Variants in PARD3 observed in about 807,000 individuals in gnomAD.
PARD3 encodes the protein par-3 family cell polarity regulator.
PARD3 carries 75 observed loss-of-function variants against 155.4 expected under a neutral mutation model. The ratio of observed to expected loss-of-function variants is 0.48; its 90% CI spans 0.40 to 0.58. PARD3 has a LOEUF of 0.58. PARD3 is among the 20% of genes least tolerant of loss of function. The probability of loss-of-function intolerance (pLI) is 0.00; values close to 1 mark genes in which losing one functional copy is unlikely to be tolerated. For missense variants in PARD3, 1,642 were observed against 1,721.7 expected (o/e 0.95, Z 0.82); for synonymous variants, 576 against 610.5 (o/e 0.94, Z 0.83).
In PARD3 at chr10:34,815,255, C is replaced by A; in HGVS notation, c.-260G>T. 1 of 152,850 alleles carries A rather than the reference C, an allele frequency of 6.5e-6. No individual in the cohort carries two copies. The highest frequency in any genetic ancestry group is 2.0e-4 in the South Asian group (1 of 4,942). The allele number at this position is 152,850 out of a possible 1,614,324, so 9.5% of individuals were successfully genotyped here. A position where few individuals can be genotyped will look rare whatever the true frequency, so the allele number is the denominator to read the frequency against. On this transcript the variant is annotated 5_prime_UTR_variant, in exon 1 of 25. Transcript: ENST00000374788. ...CGCCCGCAGCCTCCGGCCACCTGTT[C>A]GGCGTCGCGGCGCGCTCGCCGGCGG...
intron 2 of PARD3, among the ~76,000 whole-genome samples, chr10:34,668,466 T>C (rs2093544374): frequency 6.6e-6 from 1 of 152,170 alleles, no homozygotes; most frequent in Non-Finnish European, 1.5e-5. Context: ...TTCACATCCA[T>C]GTGAGTAGCT....
chr10:34,708,260 T>C (rs528635845), intron 1 of PARD3, among the ~76,000 whole-genome samples: 11 of 138,254 alleles, frequency 8.0e-5, no homozygotes, highest in Non-Finnish European at 1.5e-4. Context: ...TGCACTGATC[T>C]TTAAAGGAAA....
chr10:34,707,430 C>T (rs2094382255), intron 1 of PARD3, among the ~76,000 whole-genome samples: 1 of 151,998 alleles, frequency 6.6e-6, no homozygotes, highest in Admixed American at 6.6e-5. Context: ...AAGCGGGATA[C>T]ACCACCAAAA....
At chr10:34,261,256 G>T (rs1954943136) in intron 22 of PARD3, among the ~76,000 whole-genome samples, 1 of 152,016 alleles carries the variant, frequency 6.6e-6, no homozygotes, top group Admixed American at 6.6e-5. Context: ...AATACAAATT[G>T]CATGGTGTCT....
At chr10:34,362,148 A>C (rs1839509932) in intron 12 of PARD3, among the ~76,000 whole-genome samples, 1 of 151,840 alleles carries the variant, frequency 6.6e-6, no homozygotes, top group South Asian at 2.1e-4. Context: ...AAATACAAAA[A>C]ATTAGCCAGG....
chr10:34,618,509 C>T (rs568588416), intron 2 of PARD3, among the ~76,000 whole-genome samples: 40 of 152,158 alleles, frequency 2.6e-4, no homozygotes, highest in African/African-American at 8.4e-4. Flanking sequence ...GAGAAAGTGA[C>T]ATCTCCAAAA....
At chr10:34,166,393 G>A (rs1232526107) in intron 22 of PARD3, among the ~76,000 whole-genome samples, 1 of 152,052 alleles carries the variant, frequency 6.6e-6, no homozygotes. Context: ...CAAGAAGACT[G>A]CTTGACGCCA....
chr10:34,470,078 T>A lies in PARD3; in HGVS notation c.582+7A>T. 1 of 1,577,350 alleles carries A rather than the reference T, an allele frequency of 6.3e-7. No homozygotes were observed. On this transcript the variant is annotated splice_region_variant and intron_variant, in intron 4 of 24. Transcript: ENST00000374788. ...AGAGACAGCAGCAAACAAGCAGAGGTGGTTACCTTCCTGTCGCAGGTTTTA... is the reference window on the plus strand; with the variant it reads ...AGAGACAGCAGCAAACAAGCAGAGGAGGTTACCTTCCTGTCGCAGGTTTTA...
intron 1 of PARD3, among the ~76,000 whole-genome samples, chr10:34,747,050 T>C (rs551936629): frequency 2.6e-4 from 40 of 152,296 alleles, no homozygotes; most frequent in African/African-American, 9.6e-4. Context: ...AAACCCTGCT[T>C]ATCATGGAAA....
At chr10:34,742,804 C>G (rs2095042625) in intron 1 of PARD3, among the ~76,000 whole-genome samples, 1 of 152,206 alleles carries the variant, frequency 6.6e-6, no homozygotes, top group Non-Finnish European at 1.5e-5. Context: ...GGAGACAATG[C>G]AGGCAGCCTT....
intron 2 of PARD3, among the ~76,000 whole-genome samples, chr10:34,627,875 T>C (rs1308540419): frequency 6.6e-6 from 1 of 152,080 alleles, no homozygotes; most frequent in Non-Finnish European, 1.5e-5. Context: ...GATTACTGAT[T>C]CCAGGAAGAA....
intron 22 of PARD3, among the ~76,000 whole-genome samples, chr10:34,164,528 T>C (rs1034278270): frequency 6.6e-6 from 1 of 152,234 alleles, no homozygotes; most frequent in African/African-American, 2.4e-5. Context: ...TGTTGAACTA[T>C]TCTCAGCAGA....
At chr10:34,539,151 A>G (rs935456877) in intron 2 of PARD3, among the ~76,000 whole-genome samples, 2 of 152,146 alleles carry the variant, frequency 1.3e-5, no homozygotes, top group Admixed American at 1.3e-4. Flanking sequence ...CACATATTCC[A>G]TATTACCTGC....
intron 2 of PARD3, among the ~76,000 whole-genome samples, chr10:34,570,414 C>A (rs1010278284): frequency 6.6e-6 from 1 of 152,170 alleles, no homozygotes; most frequent in South Asian, 2.1e-4. Flanking sequence ...AATTGCCACT[C>A]CCCTTTGGAT....
intron 14 of PARD3, among the ~76,000 whole-genome samples, chr10:34,349,648 A>C (rs1284828494): frequency 1.4e-5 from 2 of 147,612 alleles, no homozygotes; most frequent in Admixed American, 6.7e-5. Flanking sequence ...AAGAACAAGT[A>C]TGGTTTTTAA....
chr10:34,218,097 A>AT (rs1952095210), intron 22 of PARD3, among the ~76,000 whole-genome samples: 1 of 152,072 alleles, frequency 6.6e-6, no homozygotes, highest in Admixed American at 6.5e-5. Context: ...CACAAAGGAG[A>AT]TTCAAGACAA....
intron 16 of PARD3, 47 bp downstream of exon 16, chr10:34,341,580 G>A: frequency 4.1e-6 from 6 of 1,467,200 alleles, no homozygotes; most frequent in Non-Finnish European, 5.6e-6. Flanking sequence ...AACATAAAAT[G>A]GGACTGTAAT....
intron 5 of PARD3, among the ~76,000 whole-genome samples, chr10:34,417,240 T>C (rs181886674): frequency 1.6e-4 from 25 of 152,284 alleles, no homozygotes; most frequent in Admixed American, 1.3e-3. Context: ...TGTAATGCTG[T>C]GGTCTCGGCG....
chr10:34,211,734 C>A (rs186656621), intron 22 of PARD3, among the ~76,000 whole-genome samples: 4 of 151,562 alleles, frequency 2.6e-5, no homozygotes, highest in Non-Finnish European at 2.9e-5. Context: ...GAGCCGAGAT[C>A]GAGCCACTGC....
Sources: allele counts gnomAD v4.1 joint callset (sites outside exome capture counted in the v4.1 genomes callset), GRCh38; gene constraint gnomAD v4.1.1; transcripts MANE v1.5; gene names NCBI Gene and HGNC (gene_info 2026-07-23, HGNC 2026-07-21).